Variants in ZNF827 observed in about 807,000 individuals in gnomAD.
ZNF827 encodes the protein zinc finger protein 827.
ZNF827 carries 13 observed loss-of-function variants against 102.4 expected under a neutral mutation model. The ratio of observed to expected loss-of-function variants is 0.13; its 90% CI spans 0.08 to 0.20. The LOEUF is 0.20. Among genes scored for constraint, ZNF827 ranks in the 10% least tolerant of loss-of-function variants. The pLI, the probability that ZNF827 is intolerant of heterozygous loss-of-function variation, is 1.00. For synonymous variants in ZNF827, 523 were observed against 536.2 expected (o/e 0.98, Z 0.34); for missense variants, 1,103 against 1,344.4 (o/e 0.82, Z 2.81).
At chr4:145,802,738 G>T (rs569909722) in intron 8 of ZNF827, among the ~76,000 whole-genome samples, 1 of 152,332 alleles carries the variant, frequency 6.6e-6, no homozygotes, top group East Asian at 1.9e-4. Context: ...CGGGAGAATA[G>T]CTTGAGCCCA....
chr4:145,820,739 G>A (rs1220501397), intron 8 of ZNF827, among the ~76,000 whole-genome samples: 1 of 152,168 alleles, frequency 6.6e-6, no homozygotes, highest in Admixed American at 6.5e-5. Context: ...CCTAGAACTA[G>A]AGGATCCCAG....
At chr4:145,881,113 A>C (rs1211380137) in intron 4 of ZNF827, among the ~76,000 whole-genome samples, 4 of 152,276 alleles carry the variant, frequency 2.6e-5, no homozygotes, top group African/African-American at 9.6e-5. Context: ...AATAGATGGA[A>C]GTTGTAGAAC....
chr4:145,843,792 C>T (rs1384655456), intron 7 of ZNF827, among the ~76,000 whole-genome samples: 2 of 152,168 alleles, frequency 1.3e-5, no homozygotes, highest in Non-Finnish European at 2.9e-5. Flanking sequence ...GGAGGTTATA[C>T]ATCCCCTGCA....
intron 1 of ZNF827, among the ~76,000 whole-genome samples, chr4:145,919,167 T>A (rs533843843): frequency 1.3e-5 from 2 of 152,074 alleles, no homozygotes; most frequent in African/African-American, 4.8e-5. Context: ...GGTGGGAGGA[T>A]CACTTGAGAC....
intron 1 of ZNF827, among the ~76,000 whole-genome samples, chr4:145,932,686 G>A (rs916804529): frequency 2.8e-4 from 43 of 152,284 alleles, no homozygotes; most frequent in African/African-American, 9.1e-4. Context: ...ATGTTAGCCA[G>A]GATGGTCTCG....
At chr4:145,934,056 C>G (rs1311384171) in intron 1 of ZNF827, among the ~76,000 whole-genome samples, 6 of 152,030 alleles carry the variant, frequency 3.9e-5, no homozygotes, top group Non-Finnish European at 7.4e-5. Context: ...AGTATTGGAC[C>G]TTGTTAATGG....
chr4:145,836,309 C>T (rs1744830889), intron 7 of ZNF827, among the ~76,000 whole-genome samples: 1 of 152,012 alleles, frequency 6.6e-6, no homozygotes, highest in Admixed American at 6.5e-5. Context: ...AGAATTCTTA[C>T]ACAAGAGCCA....
At chr4:145,934,459 C>G (rs1754017453) in intron 1 of ZNF827, among the ~76,000 whole-genome samples, 1 of 152,192 alleles carries the variant, frequency 6.6e-6, no homozygotes, top group African/African-American at 2.4e-5. Flanking sequence ...AAGGCTAACC[C>G]ATCTCCAAAG....
intron 8 of ZNF827, among the ~76,000 whole-genome samples, chr4:145,785,962 G>C (rs562768754): frequency 6.6e-6 from 1 of 152,300 alleles, no homozygotes; most frequent in Non-Finnish European, 1.5e-5. Flanking sequence ...AGAGATGTTA[G>C]AAAGTGTAAT....
At chr4:145,796,650 C>T (rs1740417244) in intron 8 of ZNF827, among the ~76,000 whole-genome samples, 2 of 88,408 alleles carry the variant, frequency 2.3e-5, no homozygotes, top group Non-Finnish European at 4.6e-5. Context: ...TTTTTTGAGA[C>T]AGGGGTTTTG....
At chr4:145,873,863 G>A (rs1414645724) in intron 4 of ZNF827, among the ~76,000 whole-genome samples, 4 of 152,170 alleles carry the variant, frequency 2.6e-5, no homozygotes, top group African/African-American at 7.2e-5. Context: ...AGTTCATCAC[G>A]ACAGAGTAAT....
intron 4 of ZNF827, 46 bp downstream of exon 4, chr4:145,885,625 AGAGAGAG>A: frequency 2.8e-6 from 4 of 1,442,704 alleles, no homozygotes; most frequent in Non-Finnish European, 2.7e-6. Context: ...AGAGAGAGAG[AGAGAGAG>A]AGAGAGAGAG....
intron 1 of ZNF827, among the ~76,000 whole-genome samples, chr4:145,921,610 A>G (rs912190590): frequency 1.3e-5 from 2 of 152,214 alleles, no homozygotes; most frequent in African/African-American, 2.4e-5. Context: ...AGAACCAACA[A>G]AACTGGGTGG....
At chr4:145,784,791 G>A (rs936115762) in intron 8 of ZNF827, among the ~76,000 whole-genome samples, 1 of 152,006 alleles carries the variant, frequency 6.6e-6, no homozygotes, top group Admixed American at 6.5e-5. Flanking sequence ...ATTTTACATA[G>A]CTTGAATGTA....
intron 5 of ZNF827, among the ~76,000 whole-genome samples, chr4:145,862,175 T>C (rs1414555708): frequency 6.6e-6 from 1 of 152,146 alleles, no homozygotes; most frequent in African/African-American, 2.4e-5. Context: ...AGAGCGGGTG[T>C]AACAGCAGGT....
rs1725060866 is a variant in ZNF827 at position 145,807,536 on chromosome 4, C to G, written c.2383+15886G>C. ...CGCCCAGGCTGGAGTGCAGTGGCGC[C>G]ATCTCAGCTCACTGCAACCAACGCC... On this transcript the variant is annotated intron_variant, in intron 8 of 14. Coordinates refer to ENST00000508784, the MANE Select transcript of ZNF827 (RefSeq NM_001306215.2). Among the ~76,000 whole-genome samples the G allele has an allele frequency of 2.0e-5, 3 of 151,414 alleles. No individual in the cohort carries two copies. The South Asian group carries it at 6.2e-4, about 31-fold the overall frequency.
At chr4:145,807,970 A>C (rs554070523) in intron 8 of ZNF827, among the ~76,000 whole-genome samples, 1 of 152,306 alleles carries the variant, frequency 6.6e-6, no homozygotes, top group Non-Finnish European at 1.5e-5. Flanking sequence ...AAAATGAAAA[A>C]CAATTTGACC....
At chr4:145,934,277 A>G (rs1229444481) in intron 1 of ZNF827, among the ~76,000 whole-genome samples, 2 of 152,220 alleles carry the variant, frequency 1.3e-5, no homozygotes, top group Non-Finnish European at 2.9e-5. Flanking sequence ...AGACAGTAAG[A>G]TCGCCATTCA....
At chr4:145,905,162 C>T (rs1296302397) in intron 1 of ZNF827, among the ~76,000 whole-genome samples, 1 of 152,222 alleles carries the variant, frequency 6.6e-6, no homozygotes, top group Non-Finnish European at 1.5e-5. Flanking sequence ...TTATTATCTA[C>T]ATATTCCACA....
Sources: allele counts gnomAD v4.1 joint callset (sites outside exome capture counted in the v4.1 genomes callset), GRCh38; gene constraint gnomAD v4.1.1; transcripts MANE v1.5; gene names NCBI Gene and HGNC (gene_info 2026-07-23, HGNC 2026-07-21).